Variants in KANK1 observed in about 807,000 individuals in gnomAD.
KANK1 encodes KN motif and ankyrin repeat domains 1, also known as KN motif and ankyrin repeat domain-containing protein 1.
Under a neutral mutation model 106.2 loss-of-function variants are expected in KANK1, and 109 were observed. The ratio of observed to expected loss-of-function variants is 1.03; its 90% confidence interval spans 0.88 to 1.20. The LOEUF is 1.20. Ranked by LOEUF, KANK1 falls within the 50% of genes most tolerant of loss-of-function variation. KANK1 has a pLI of 0.00. For synonymous variants in KANK1, 873 were observed against 652.2 expected, an observed-to-expected ratio of 1.34 and a Z score of -5.16; for missense variants, 2,399 against 1,710.7, an observed-to-expected ratio of 1.40 and a Z score of -7.10.
chr9:649,721 T>A (rs1292539986), intron 1 of KANK1, among the ~76,000 whole-genome samples: 4 of 152,182 alleles, frequency 2.6e-5, no homozygotes, highest in Admixed American at 6.5e-5. Flanking sequence ...AAGGTTTTCA[T>A]TCACTGTGAG....
chr9:717,087 C>G (rs1222824072), intron 3 of KANK1, among the ~76,000 whole-genome samples: 1 of 152,018 alleles, frequency 6.6e-6, no homozygotes, highest in Non-Finnish European at 1.5e-5. Context: ...GAGTTCGAGA[C>G]CATCCTGGGC....
At chr9:629,847 AT>A (rs1319402601) in intron 1 of KANK1, among the ~76,000 whole-genome samples, 1 of 152,258 alleles carries the variant, frequency 6.6e-6, no homozygotes, top group Non-Finnish European at 1.5e-5. Context: ...ACAGCAGGCA[AT>A]GACTCATTTA....
intron 1 of KANK1, among the ~76,000 whole-genome samples, chr9:555,343 C>G (rs1371792505): frequency 2.6e-5 from 4 of 152,086 alleles, no homozygotes; most frequent in Non-Finnish European, 5.9e-5. Flanking sequence ...CCTTCCACAC[C>G]ATGTACATGA....
At chr9:496,125 C>G (rs1485764261) in intron 3 of KANK1, among the ~76,000 whole-genome samples, 2 of 152,142 alleles carry the variant, frequency 1.3e-5, no homozygotes, top group African/African-American at 2.4e-5. Context: ...CTCTGTGAGC[C>G]CCATTCTTCT....
intron 1 of KANK1, among the ~76,000 whole-genome samples, chr9:558,062 G>A (rs1488367069): frequency 6.6e-6 from 1 of 152,182 alleles, no homozygotes; most frequent in East Asian, 1.9e-4. Context: ...ACCCAGGAGT[G>A]AAGATCGGAT....
At chr9:718,298 CTTTTTTTTTTTT>C (rs60145502) in intron 3 of KANK1, among the ~76,000 whole-genome samples, 18 of 74,088 alleles carry the variant, frequency 2.4e-4, no homozygotes, top group African/African-American at 8.2e-4. Flanking sequence ...CTTGCTGTGT[CTTTTTTTTTTTT>C]TTTTTTTTTT....
intron 1 of KANK1, among the ~76,000 whole-genome samples, chr9:516,217 T>A (rs1279083219): frequency 6.6e-6 from 1 of 151,642 alleles, no homozygotes; most frequent in African/African-American, 2.4e-5. Context: ...GAATTCAGGC[T>A]TTTGACCTTG....
intron 1 of KANK1, among the ~76,000 whole-genome samples, chr9:557,944 A>G (rs1036769367): frequency 6.6e-6 from 1 of 152,144 alleles, no homozygotes; most frequent in Non-Finnish European, 1.5e-5. Flanking sequence ...GGTTGAGGCT[A>G]CAGTGAGCTA....
In KANK1 at chr9:680,518, G is replaced by A. The variant is rs114850386; in HGVS notation, c.37+3509G>A. Among the ~76,000 whole-genome samples the A allele has an allele frequency of 6.7e-3, 1,020 of 152,240 alleles. 18 individuals carry two copies. Among genetic ancestry groups the A allele is most frequent in the African/African-American group, 0.023 (963 of 41,524 alleles). On this transcript the variant is annotated intron_variant, in intron 2 of 11. Transcript: ENST00000382297. ...TGAAAGTTATATAACAAGCACCTTT[G>A]TACACACTACTTAGCTTAAGAAATA...
chr9:729,613 T>C (rs2131669582), intron 3 of KANK1, among the ~76,000 whole-genome samples: 1 of 152,246 alleles, frequency 6.6e-6, no homozygotes, highest in African/African-American at 2.4e-5. Flanking sequence ...TATGGATAGT[T>C]TAGAATCTCT....
At chr9:584,817 G>T (rs373056557) in intron 1 of KANK1, among the ~76,000 whole-genome samples, 4 of 152,300 alleles carry the variant, frequency 2.6e-5, no homozygotes, top group East Asian at 1.9e-4. Context: ...TTGGGTATTT[G>T]GTTGAGCTGT....
intron 1 of KANK1, among the ~76,000 whole-genome samples, chr9:617,241 T>A (rs1332368269): frequency 6.6e-6 from 1 of 152,186 alleles, no homozygotes; most frequent in Non-Finnish European, 1.5e-5. Flanking sequence ...TTAGTTTCTT[T>A]AACAATCTGT....
chr9:531,099 TA>T (rs2060034603), intron 1 of KANK1, among the ~76,000 whole-genome samples: 1 of 152,110 alleles, frequency 6.6e-6, no homozygotes, highest in African/African-American at 2.4e-5. Context: ...CTTTTTTTTT[TA>T]AATCCCTCCA....
At chr9:696,471 T>C (rs939867358) in intron 2 of KANK1, among the ~76,000 whole-genome samples, 1 of 152,090 alleles carries the variant, frequency 6.6e-6, no homozygotes, top group African/African-American at 2.4e-5. Flanking sequence ...AGTAGGGCTT[T>C]ACAAAAATGA....
chr9:671,805 G>C (rs1489180621), intron 1 of KANK1, among the ~76,000 whole-genome samples: 1 of 151,678 alleles, frequency 6.6e-6, no homozygotes, highest in Non-Finnish European at 1.5e-5. Flanking sequence ...AAAATTAGCT[G>C]GGCATGGTGG....
chr9:493,147 G>A (rs905272044), intron 3 of KANK1, among the ~76,000 whole-genome samples: 5 of 149,734 alleles, frequency 3.3e-5, no homozygotes, highest in South Asian at 2.1e-4. Flanking sequence ...TGGTTTGTGC[G>A]ACCATAGAAT....
intron 2 of KANK1, among the ~76,000 whole-genome samples, chr9:698,148 A>C (rs1197920733): frequency 6.6e-6 from 1 of 152,200 alleles, no homozygotes; most frequent in Non-Finnish European, 1.5e-5. Flanking sequence ...GGATAGGTAC[A>C]CAAAGCTGGA....
rs539443363 is a variant in KANK1, at chr9:636,485, A to G, written c.-83-40405A>G. Among the ~76,000 whole-genome samples, 6 of 152,242 alleles carry G rather than the reference A, an allele frequency of 3.9e-5. No individual in the cohort carries two copies. The South Asian group carries it at 6.2e-4, about 16-fold the overall frequency. ...CAGCATTCAGGACAATATTAAAGAG[A>G]TCATGGAGGCTCAGTCAGTTCCCAT... On this transcript the variant is annotated intron_variant, in intron 1 of 11. Coordinates refer to ENST00000382297, the MANE Select transcript of KANK1 (RefSeq NM_015158.5).
rs754058814 is a variant in KANK1 at position 711,250 on chromosome 9, C to A, written c.484C>A (p.Arg162=). The A allele has an allele frequency of 2.5e-6, 4 of 1,614,112 alleles. No individual in the cohort carries two copies. Among genetic ancestry groups the A allele is most frequent in the Non-Finnish European group, 3.4e-6 (4 of 1,180,030 alleles). ...LHVTKTLMET[R]RRLEQERATM... ...TGTCACCAAGACACTGATGGAGACC[C>A]GGAGAAGACTGGAACAGGAGAGAGC... is the stretch of plus-strand genomic sequence containing the variant. Residue 162 remains arginine (R), a synonymous_variant, in exon 3 of 12, where the codon CGG becomes AGG. Transcript: ENST00000382297.
Sources: allele counts gnomAD v4.1 joint callset (sites outside exome capture counted in the v4.1 genomes callset), GRCh38; gene constraint gnomAD v4.1.1; transcripts MANE v1.5; gene names NCBI Gene and HGNC (gene_info 2026-07-23, HGNC 2026-07-21).